TCERG1L: variants seen among roughly 807,000 people sequenced by gnomAD.
TCERG1L encodes transcription elongation regulator 1-like protein.
A neutral mutation model predicts 56.3 loss-of-function variants in TCERG1L; 37 were observed. The observed-to-expected ratio is 0.66, with a 90% CI of 0.51 to 0.87. The LOEUF is 0.87. Among genes scored for constraint, TCERG1L ranks in the 40% least tolerant of loss-of-function variants. TCERG1L has a pLI of 0.00. For synonymous variants in TCERG1L, 324 were observed against 326.3 expected, an observed-to-expected ratio of 0.99 and a Z score of 0.08; for missense variants, 799 against 774.2, an observed-to-expected ratio of 1.03 and a Z score of -0.38.
intron 3 of TCERG1L, among the ~76,000 whole-genome samples, chr10:131,263,060 G>A (rs1846249152): frequency 6.6e-6 from 1 of 152,028 alleles, no homozygotes; most frequent in African/African-American, 2.4e-5. Context: ...CAGTTTAGAA[G>A]CACAATTGTT....
chr10:131,251,703 G>C (rs1020245301), intron 4 of TCERG1L, among the ~76,000 whole-genome samples: 5 of 152,104 alleles, frequency 3.3e-5, no homozygotes, highest in African/African-American at 1.2e-4. Flanking sequence ...CCTCTCCAAG[G>C]TCCCTCAGAT....
At position 131,166,997 on chromosome 10, in the gene TCERG1L, CTG is replaced by C. The variant is rs1283112996; in HGVS notation, c.857-114_857-113del. The C allele has an allele frequency of 6.7e-5, 57 of 846,626 alleles. No individual in the cohort carries two copies. In the African/African-American group the frequency reaches 7.2e-4, roughly 11 times the overall value. The allele number at this position is 846,626 out of a possible 1,614,324, so 52.4% of individuals were successfully genotyped here. A position where few individuals can be genotyped will look rare whatever the true frequency, so the allele number is the denominator to read the frequency against. On this transcript the variant is annotated intron_variant, in intron 4 of 11. Coordinates refer to ENST00000368642, the MANE Select transcript of TCERG1L (RefSeq NM_174937.4). ...GAAGATTAGAATTGGTCAGTAGACA[CTG>C]TGCATTCCACAGAAAGGTGGCATTG... is the stretch of plus-strand genomic sequence containing the variant.
chr10:131,253,258 A>G (rs1846130735), intron 4 of TCERG1L, among the ~76,000 whole-genome samples: 1 of 152,130 alleles, frequency 6.6e-6, no homozygotes, highest in Non-Finnish European at 1.5e-5. Context: ...TGGGACTGAC[A>G]ATGGTGCAGA....
intron 4 of TCERG1L, among the ~76,000 whole-genome samples, chr10:131,232,445 C>A (rs749719414): frequency 6.6e-6 from 1 of 152,222 alleles, no homozygotes; most frequent in African/African-American, 2.4e-5. Flanking sequence ...GCAGTGCACA[C>A]CCCAGACCGT....
intron 6 of TCERG1L, chr10:131,156,418 A>G (rs981799384): frequency 1.3e-5 from 2 of 152,170 alleles, no homozygotes; most frequent in Non-Finnish European, 2.9e-5. Context: ...AGGACAAGTC[A>G]TTAGCATAAA....
chr10:131,180,073 G>A (rs943405567), intron 4 of TCERG1L, among the ~76,000 whole-genome samples: 1 of 152,238 alleles, frequency 6.6e-6, no homozygotes, highest in African/African-American at 2.4e-5. Flanking sequence ...GGTCTGGCAG[G>A]CAGGTAGTGA....
intron 4 of TCERG1L, among the ~76,000 whole-genome samples, chr10:131,183,417 A>G (rs1447747013): frequency 2.0e-5 from 3 of 152,148 alleles, no homozygotes; most frequent in African/African-American, 7.2e-5. Context: ...ATTTCTATTG[A>G]GCTACCTATC....
In TCERG1L at chr10:131,180,652, G is replaced by A. The variant is rs545467980; in HGVS notation, c.857-13767C>T. Among the ~76,000 whole-genome samples the A allele has an allele frequency of 5.9e-5, 9 of 152,214 alleles. No individual in the cohort carries two copies. The South Asian group carries it at 8.3e-4, about 14-fold the overall frequency. ...CATGTTAAAATGAAGTGTTGGAGCC[G>A]TAAAGTTAAAATATTGTATTTCACA... On this transcript the variant is annotated intron_variant, in intron 4 of 11. Coordinates refer to ENST00000368642, the MANE Select transcript of TCERG1L (RefSeq NM_174937.4).
chr10:131,253,493 C>T (rs1846132823), intron 4 of TCERG1L, among the ~76,000 whole-genome samples: 2 of 152,156 alleles, frequency 1.3e-5, no homozygotes, highest in African/African-American at 2.4e-5. Context: ...GACTGGGTCA[C>T]GATCACCTCA....
intron 3 of TCERG1L, among the ~76,000 whole-genome samples, chr10:131,291,336 T>C (rs1846619131): frequency 6.8e-6 from 1 of 146,744 alleles, no homozygotes. Flanking sequence ...GGATCCTATA[T>C]AGCCAAGATA....
intron 4 of TCERG1L, among the ~76,000 whole-genome samples, chr10:131,230,132 C>T (rs772285686): frequency 5.3e-5 from 8 of 152,180 alleles, no homozygotes; most frequent in Admixed American, 6.5e-5. Flanking sequence ...GTGCCCAGCC[C>T]GGCTCCAGCA....
chr10:131,176,246 A>C (rs901475639), intron 4 of TCERG1L, among the ~76,000 whole-genome samples: 1 of 150,402 alleles, frequency 6.6e-6, no homozygotes, highest in Admixed American at 6.6e-5. Context: ...CCGTGCACAC[A>C]CACAGAGACG....
chr10:131,174,166 C>A (rs1371011310), intron 4 of TCERG1L, among the ~76,000 whole-genome samples: 1 of 152,168 alleles, frequency 6.6e-6, no homozygotes, highest in Non-Finnish European at 1.5e-5. Context: ...TGCTGACCTG[C>A]CTGGAATATG....
chr10:131,209,057 C>CA (rs10677942), intron 4 of TCERG1L, among the ~76,000 whole-genome samples: 13,368 of 127,616 alleles, frequency 0.1, 847 homozygotes, highest in South Asian at 0.12. Context: ...GACTCTGTCT[C>CA]AAAAAAAAAA....
At chr10:131,235,184 T>C (rs1845900607) in intron 4 of TCERG1L, among the ~76,000 whole-genome samples, 1 of 152,224 alleles carries the variant, frequency 6.6e-6, no homozygotes, top group Admixed American at 6.5e-5. Context: ...ATGAAAATGC[T>C]TATGCCTAAT....
intron 4 of TCERG1L, among the ~76,000 whole-genome samples, chr10:131,246,358 G>A (rs1350008960): frequency 6.6e-6 from 1 of 152,142 alleles, no homozygotes; most frequent in African/African-American, 2.4e-5. Context: ...GAGAAGAGGG[G>A]CAGGTGTGTG....
At chr10:131,155,153 C>T (rs1037606187) in intron 6 of TCERG1L, among the ~76,000 whole-genome samples, 5 of 152,168 alleles carry the variant, frequency 3.3e-5, no homozygotes, top group East Asian at 3.9e-4. Context: ...CGTCCCTGCA[C>T]GGCACCAACA....
At chr10:131,139,304 A>G (rs1363588438) in intron 7 of TCERG1L, among the ~76,000 whole-genome samples, 3 of 152,224 alleles carry the variant, frequency 2.0e-5, no homozygotes, top group Admixed American at 2.0e-4. Flanking sequence ...AGGTACAAAG[A>G]TGTTCTTTCC....
chr10:131,218,447 T>G (rs1225747944), intron 4 of TCERG1L, among the ~76,000 whole-genome samples: 7 of 152,226 alleles, frequency 4.6e-5, no homozygotes, highest in Non-Finnish European at 8.8e-5. Flanking sequence ...AGATGGCAAC[T>G]GAGTAAGTCC....
Sources: gnomAD v4.1 joint callset for allele counts (sites outside exome capture counted in the v4.1 genomes callset) on GRCh38, gnomAD v4.1.1 for gene constraint, MANE v1.5 for transcripts, NCBI Gene and HGNC (gene_info 2026-07-23, HGNC 2026-07-21) for gene names.